Variants in SRGAP3 observed in about 807,000 individuals in gnomAD.
SRGAP3 encodes SLIT-ROBO Rho GTPase activating protein 3, also known as SLIT-ROBO Rho GTPase-activating protein 3.
A neutral mutation model predicts 121.1 loss-of-function variants in SRGAP3; 39 were observed. That is an observed-to-expected ratio of 0.32 (90% CI 0.25 to 0.42). The LOEUF (loss-of-function observed/expected upper bound fraction) is 0.42, where lower values mean the gene tolerates loss of function less well. Among genes scored for constraint, SRGAP3 ranks in the 10% least tolerant of loss-of-function variants. The pLI, the probability that SRGAP3 is intolerant of heterozygous loss-of-function variation, is 1.00. For missense variants in SRGAP3, 1,213 were observed against 1,470.6 expected, an observed-to-expected ratio of 0.82 and a Z score of 2.86; for synonymous variants, 601 against 570.0, an observed-to-expected ratio of 1.05 and a Z score of -0.77.
At position 9,142,829 on chromosome 3, in the gene SRGAP3, C is replaced by CTTTTTTTTTTTTTTTT. The variant is rs397795766; in HGVS notation, c.68-17928_68-17913dup. 1.8e-4 allele frequency among the ~76,000 whole-genome samples: 16 copies of CTTTTTTTTTTTTTTTT among 90,862 alleles called. 1 individual carries two copies. The highest frequency in any genetic ancestry group is 3.5e-4 in the East Asian group (1 of 2,838). 59.6% of individuals were successfully genotyped at this position (90,862 alleles called of 152,430 possible). A position where few individuals can be genotyped will look rare whatever the true frequency, so the allele number is the denominator to read the frequency against. On this transcript the variant is annotated intron_variant, in intron 1 of 21. Transcript: ENST00000383836. ...GTCAACCAAGTTGGTGGGCAATTTC[C>CTTTTTTTTTTTTTTTT]TTTTTTTTTTTTTTTTTTTTTTTGA...
At chr3:9,079,990 A>C in intron 4 of SRGAP3, 35 bp downstream of exon 4, 4 of 1,613,058 alleles carry the variant, frequency 2.5e-6, no homozygotes, top group Non-Finnish European at 3.4e-6. Context: ...CAGAGACCCA[A>C]TCCCAAAACA....
chr3:8,981,743 A>T lies in SRGAP3; in HGVS notation c.*3776T>A, dbSNP rs1346737060. ...ATCTCTGAACTGCTGGTTCCAGCCGATAGCCAAAATATGGCTCAATTTCCC... is the reference window on the plus strand; with the variant it reads ...ATCTCTGAACTGCTGGTTCCAGCCGTTAGCCAAAATATGGCTCAATTTCCC... On this transcript the variant is annotated 3_prime_UTR_variant, in exon 22 of 22. Transcript: ENST00000383836. 2 of 230,280 alleles carry T rather than the reference A, an allele frequency of 8.7e-6. No homozygotes were observed. Among genetic ancestry groups the T allele is most frequent in the Non-Finnish European group, 1.7e-5 (2 of 116,014 alleles). The allele number at this position is 230,280 out of a possible 1,614,324, so 14.3% of individuals were successfully genotyped here. A position where few individuals can be genotyped will look rare whatever the true frequency, so the allele number is the denominator to read the frequency against.
At chr3:9,180,758 C>T (rs1435679938) in intron 1 of SRGAP3, among the ~76,000 whole-genome samples, 1 of 152,224 alleles carries the variant, frequency 6.6e-6, no homozygotes, top group African/African-American at 2.4e-5. Flanking sequence ...GAATGCAGCC[C>T]CGAGAGCAGA....
intron 9 of SRGAP3, 61 bp from the exon 10 acceptor site, chr3:9,047,536 C>T (rs1945350703): frequency 2.0e-6 from 3 of 1,524,620 alleles, no homozygotes; most frequent in Non-Finnish European, 2.7e-6. Flanking sequence ...GGATCTCTGC[C>T]TCTGCAACTG....
At chr3:9,110,906 C>T (rs1279879763) in intron 2 of SRGAP3, among the ~76,000 whole-genome samples, 1 of 152,234 alleles carries the variant, frequency 6.6e-6, no homozygotes, top group Non-Finnish European at 1.5e-5. Flanking sequence ...AACAGAAAGC[C>T]ACCTGGACGT....
At chr3:9,237,448 A>G (rs943927969) in intron 1 of SRGAP3, among the ~76,000 whole-genome samples, 1 of 152,242 alleles carries the variant, frequency 6.6e-6, no homozygotes, top group Admixed American at 6.5e-5. Flanking sequence ...GAGAAGAAAC[A>G]AAGAAAGCGT....
rs1203291657 is a variant in SRGAP3, at chr3:9,015,579, C to T, written c.1813+18G>A. On this transcript the variant is annotated intron_variant, in intron 15 of 21. Coordinates refer to ENST00000383836, the MANE Select transcript of SRGAP3 (RefSeq NM_014850.4). ...TGATTTGTCAAAAAACTGATCATTT[C>T]ACCTGGGAAATACTTACTAATAGTA... The T allele has an allele frequency of 3.1e-6, 5 of 1,613,768 alleles. No individual in the cohort carries two copies.
chr3:9,209,562 C>T (rs1306366983), intron 1 of SRGAP3, among the ~76,000 whole-genome samples: 1 of 152,236 alleles, frequency 6.6e-6, no homozygotes, highest in Non-Finnish European at 1.5e-5. Context: ...TAGAAGACCA[C>T]TTTGATGCTA....
At chr3:9,026,292 ATTAT>A (rs1458538652) in intron 13 of SRGAP3, among the ~76,000 whole-genome samples, 7 of 152,162 alleles carry the variant, frequency 4.6e-5, no homozygotes, top group Admixed American at 3.3e-4. Flanking sequence ...CTCAAATGAT[ATTAT>A]TTATTTTTCC....
At chr3:9,292,291 C>T (rs73023215) in intron 3 of SRGAP3, among the ~76,000 whole-genome samples, 2,038 of 152,258 alleles carry the variant, frequency 0.013, 26 homozygotes, top group Non-Finnish European at 0.02. Flanking sequence ...GTATTTCTAA[C>T]GAGTTCCCAG....
rs575351302 is a variant in SRGAP3, at chr3:9,211,118, T to C, written c.67+37767A>G. Among the ~76,000 whole-genome samples, 6 of 152,308 alleles carry C rather than the reference T, an allele frequency of 3.9e-5. No homozygotes were observed. In the South Asian group the frequency reaches 1.2e-3, roughly 32 times the overall value. On this transcript the variant is annotated intron_variant, in intron 1 of 21. Coordinates refer to ENST00000383836, the MANE Select transcript of SRGAP3 (RefSeq NM_014850.4). The stretch of plus-strand genomic sequence containing the variant: ...GGTATTTTTGCTACACGTTTGAACA[T>C]TTTCTTAGTAAGGTGTTGAGGGGGG...
At chr3:9,251,761 G>A (rs1954024569), upstream of SRGAP3, among the ~76,000 whole-genome samples, 1 of 152,188 alleles carries the variant, frequency 6.6e-6, no homozygotes, top group Non-Finnish European at 1.5e-5. Flanking sequence ...GCCAAAGATG[G>A]TATAGCGCTC....
At chr3:9,243,767 T>C (rs1280629312) in intron 1 of SRGAP3, among the ~76,000 whole-genome samples, 1 of 152,156 alleles carries the variant, frequency 6.6e-6, no homozygotes, top group Non-Finnish European at 1.5e-5. Context: ...TCACCAAGGC[T>C]TCGTGCGGAC....
At chr3:9,154,717 T>C (rs886667677) in intron 1 of SRGAP3, among the ~76,000 whole-genome samples, 4 of 152,166 alleles carry the variant, frequency 2.6e-5, no homozygotes, top group Admixed American at 2.6e-4. Context: ...GGTGCTAAAA[T>C]TTTTTGTTGC....
Position 9,104,767 on chromosome 3 carries a change from G to T in SRGAP3, c.336C>A (p.Asp112Glu), listed in dbSNP as rs1263187819. 6.2e-7 allele frequency: 1 copy of T among 1,614,268 alleles called. No homozygotes were observed. Among genetic ancestry groups the T allele is most frequent in the East Asian group, 2.2e-5 (1 of 44,890 alleles). The stretch of plus-strand genomic sequence containing the variant: ...TGAAGATGTCATTGAGGGTGGCATG[G>T]TCTCGGCTCTCCCGCCGGGTCTGAT... ...VLHQTRRESR[D>E]HATLNDIFMN... The change falls in exon 3 of 22, where the codon GAC becomes GAA. Residue 112 changes from aspartate (D) to glutamate (E), a missense_variant. By Grantham distance (45) the Asp-to-Glu change is conservative. Transcript: ENST00000383836.
intron 1 of SRGAP3, among the ~76,000 whole-genome samples, chr3:9,241,285 C>T (rs373982650): frequency 6.6e-6 from 1 of 152,044 alleles, no homozygotes; most frequent in East Asian, 1.9e-4. Flanking sequence ...AGCTATACAG[C>T]CTGAAGCATG....
intron 1 of SRGAP3, among the ~76,000 whole-genome samples, chr3:9,207,030 C>A (rs1291184785): frequency 6.6e-6 from 1 of 152,148 alleles, no homozygotes; most frequent in Non-Finnish European, 1.5e-5. Context: ...AGCTGATCTT[C>A]ACATAGGGTG....
chr3:9,230,856 C>CAA (rs544760262), intron 1 of SRGAP3, among the ~76,000 whole-genome samples: 3 of 91,200 alleles, frequency 3.3e-5, no homozygotes, highest in South Asian at 3.4e-4. Flanking sequence ...GACCCTATCT[C>CAA]AAAAAAAAAA....
intron 10 of SRGAP3, among the ~76,000 whole-genome samples, chr3:9,042,022 A>G (rs986710566): frequency 6.6e-6 from 1 of 150,862 alleles, no homozygotes; most frequent in Admixed American, 6.6e-5. Flanking sequence ...AATCGCTTGA[A>G]CCCAGGAGTT....
Sources: allele counts gnomAD v4.1 joint callset (sites outside exome capture counted in the v4.1 genomes callset), GRCh38; gene constraint gnomAD v4.1.1; transcripts MANE v1.5; gene names NCBI Gene and HGNC (gene_info 2026-07-23, HGNC 2026-07-21).